AFAP1L2: variants seen among roughly 807,000 people sequenced by gnomAD.
AFAP1L2 encodes the protein actin filament-associated protein 1-like 2.
A neutral mutation model predicts 99.3 loss-of-function variants in AFAP1L2; 46 were observed. The ratio of observed to expected loss-of-function variants is 0.46; its 90% CI spans 0.37 to 0.59. The LOEUF (loss-of-function observed/expected upper bound fraction) is 0.59. Ranked by LOEUF, AFAP1L2 falls within the 20% of genes least tolerant of loss-of-function variation. AFAP1L2 has a pLI of 0.00. For synonymous variants in AFAP1L2, 397 were observed against 419.1 expected (o/e 0.95, Z 0.64); for missense variants, 959 against 1,034.9 (o/e 0.93, Z 1.01).
At chr10:114,351,453 C>T (rs2050461885) in intron 1 of AFAP1L2, among the ~76,000 whole-genome samples, 1 of 152,206 alleles carries the variant, frequency 6.6e-6, no homozygotes, top group Non-Finnish European at 1.5e-5. Flanking sequence ...AGTAATGAGA[C>T]AGCATTGGAC....
At chr10:114,282,659 AGGGTG>A in the AFAP1L2 span, 14 of 1,212,008 alleles carry the variant, frequency 1.2e-5, no homozygotes, top group East Asian at 3.3e-4. Flanking sequence ...CCTGGGACAG[AGGGTG>A]GGGTTGTGAC....
chr10:114,393,018 C>A (rs937628536), intron 1 of AFAP1L2, among the ~76,000 whole-genome samples: 2 of 152,184 alleles, frequency 1.3e-5, no homozygotes, highest in Non-Finnish European at 2.9e-5. Flanking sequence ...TTTCCCCCAA[C>A]ACGCATGTGC....
At chr10:114,340,457 G>T in intron 2 of AFAP1L2, 146 bp downstream of exon 2, 3 of 1,154,726 alleles carry the variant, frequency 2.6e-6, no homozygotes, top group South Asian at 1.6e-5. Flanking sequence ...ATACCTTGAT[G>T]TTAGACTTCT....
intron 1 of AFAP1L2, among the ~76,000 whole-genome samples, chr10:114,349,695 C>T (rs948737978): frequency 7.9e-5 from 12 of 151,372 alleles, no homozygotes; most frequent in Non-Finnish European, 1.6e-4. Context: ...CCAAAGCAGA[C>T]TGTAGTCATT....
chr10:114,386,027 C>T (rs190650581), intron 1 of AFAP1L2, among the ~76,000 whole-genome samples: 7 of 152,190 alleles, frequency 4.6e-5, no homozygotes, highest in African/African-American at 1.4e-4. Flanking sequence ...CGGTCACTAC[C>T]AGATGTGGGC....
intron 5 of AFAP1L2, chr10:114,319,786 C>A: frequency 2.2e-6 from 1 of 463,014 alleles, no homozygotes; most frequent in Non-Finnish European, 3.8e-6. Context: ...TTAGTGCTTG[C>A]CCATCAGAGG....
At chr10:114,366,228 T>C (rs975577453) in intron 1 of AFAP1L2, among the ~76,000 whole-genome samples, 4 of 152,190 alleles carry the variant, frequency 2.6e-5, no homozygotes, top group African/African-American at 9.7e-5. Context: ...AAGACTGTCA[T>C]ATACACGCGA....
At chr10:114,373,690 C>G (rs1480038996) in intron 1 of AFAP1L2, among the ~76,000 whole-genome samples, 1 of 152,134 alleles carries the variant, frequency 6.6e-6, no homozygotes, top group Non-Finnish European at 1.5e-5. Context: ...AGTTCCAGCA[C>G]TTCAAAGTCC....
At chr10:114,283,884 T>C in the AFAP1L2 span, among the ~76,000 whole-genome samples, 1 of 152,256 alleles carries the variant, frequency 6.6e-6, no homozygotes, top group African/African-American at 2.4e-5. Context: ...GAAAAGTCTA[T>C]ATTTTAATTA....
At chr10:114,368,442 C>T (rs889678835) in intron 1 of AFAP1L2, among the ~76,000 whole-genome samples, 1 of 151,862 alleles carries the variant, frequency 6.6e-6, no homozygotes, top group African/African-American at 2.4e-5. Flanking sequence ...TTGTTTGAGA[C>T]AGGGTCTCGT....
At chr10:114,399,103 T>C (rs772731085) in intron 1 of AFAP1L2, among the ~76,000 whole-genome samples, 1 of 152,200 alleles carries the variant, frequency 6.6e-6, no homozygotes, top group Non-Finnish European at 1.5e-5. Flanking sequence ...TCCCCAATCA[T>C]GTCCCAGATA....
chr10:114,375,638 G>T (rs567959268), intron 1 of AFAP1L2, among the ~76,000 whole-genome samples: 1 of 152,064 alleles, frequency 6.6e-6, no homozygotes, highest in Admixed American at 6.5e-5. Context: ...TAGCTTGAAG[G>T]CCCTTGGCTG....
downstream of AFAP1L2, among the ~76,000 whole-genome samples, chr10:114,292,391 A>G (rs2039684472): frequency 6.6e-6 from 1 of 152,106 alleles, no homozygotes; most frequent in African/African-American, 2.4e-5. Flanking sequence ...TCAAAAATAT[A>G]GGATAAAGAA....
At chr10:114,305,361 G>GGACAC in intron 10 of AFAP1L2, among the ~76,000 whole-genome samples, 1 of 146,756 alleles carries the variant, frequency 6.8e-6, no homozygotes, top group East Asian at 2.1e-4. Flanking sequence ...CTGCAGGAGG[G>GGACAC]AGCGGGGCTG....
At chr10:114,387,421 G>C (rs753220251) in intron 1 of AFAP1L2, among the ~76,000 whole-genome samples, 2 of 152,142 alleles carry the variant, frequency 1.3e-5, no homozygotes, top group Non-Finnish European at 1.5e-5. Flanking sequence ...GCCCCACATA[G>C]AACCTAATGG....
intron 1 of AFAP1L2, among the ~76,000 whole-genome samples, chr10:114,378,292 G>C (rs2055075693): frequency 6.6e-6 from 1 of 152,196 alleles, no homozygotes; most frequent in African/African-American, 2.4e-5. Flanking sequence ...GCAAAACTGT[G>C]TCGTCCTACT....
chr10:114,369,035 A>C (rs2053704949), intron 1 of AFAP1L2, among the ~76,000 whole-genome samples: 1 of 152,200 alleles, frequency 6.6e-6, no homozygotes, highest in Admixed American at 6.5e-5. Flanking sequence ...CTATAACAAA[A>C]TTAGAAGAGG....
chr10:114,391,820 A>G (rs529071250), intron 1 of AFAP1L2, among the ~76,000 whole-genome samples: 1 of 152,298 alleles, frequency 6.6e-6, no homozygotes, highest in Admixed American at 6.5e-5. Flanking sequence ...TTAGGGAGCT[A>G]CAAGGAGCCC....
intron 11 of AFAP1L2, among the ~76,000 whole-genome samples, chr10:114,303,334 A>T (rs995228081): frequency 6.6e-6 from 1 of 152,066 alleles, no homozygotes; most frequent in African/African-American, 2.4e-5. Flanking sequence ...TAAAGACAGA[A>T]TCTTGTTCTG....
Sources: allele counts gnomAD v4.1 joint callset (sites outside exome capture counted in the v4.1 genomes callset), GRCh38; gene constraint gnomAD v4.1.1; transcripts MANE v1.5; gene names NCBI Gene and HGNC (gene_info 2026-07-23, HGNC 2026-07-21).